The following ZPBP variants were observed in gnomAD, a reference collection of about 807,000 sequenced individuals.
ZPBP encodes zona pellucida binding protein.
In ZPBP, 26 loss-of-function variants were observed where a neutral mutation model predicts 44.8. That is an observed-to-expected ratio of 0.58 (90% confidence interval 0.43 to 0.81). ZPBP has a LOEUF of 0.81. Ranked by LOEUF, ZPBP falls within the 30% of genes least tolerant of loss-of-function variation. The pLI is 0.00. For missense variants in ZPBP, 409 were observed against 434.0 expected (o/e 0.94, Z 0.51); for synonymous variants, 174 against 153.2 (o/e 1.14, Z -1.00).
intron 2 of ZPBP, among the ~76,000 whole-genome samples, chr7:49,854,268 G>A (rs1426741226): frequency 6.6e-6 from 1 of 152,006 alleles, no homozygotes; most frequent in East Asian, 1.9e-4. Flanking sequence ...TTTCTAGTTT[G>A]AGATCCTTGA....
intron 3 of ZPBP, 87 bp from the exon 4 acceptor site, chr7:50,058,228 AT>A: frequency 7.2e-7 from 1 of 1,387,120 alleles, no homozygotes; most frequent in Non-Finnish European, 1.0e-6. Context: ...AACCATCATA[AT>A]TTACCAACAC....
At chr7:50,052,544 GT>G (rs1361655001) in intron 4 of ZPBP, among the ~76,000 whole-genome samples, 1 of 152,010 alleles carries the variant, frequency 6.6e-6, no homozygotes. Flanking sequence ...CAGTTTGGCA[GT>G]TTTTTATAAA....
At chr7:49,863,446 T>G (rs1044996848) in intron 2 of ZPBP, among the ~76,000 whole-genome samples, 25 of 152,278 alleles carry the variant, frequency 1.6e-4, no homozygotes, top group Middle Eastern at 6.8e-3. Context: ...TTTCTTTTCT[T>G]TTTTGAGACA....
At chr7:50,033,453 G>A (rs1799690161) in intron 4 of ZPBP, among the ~76,000 whole-genome samples, 1 of 151,940 alleles carries the variant, frequency 6.6e-6, no homozygotes, top group South Asian at 2.1e-4. Context: ...CTAGCCTTGT[G>A]GTAAGTAAAA....
chr7:50,086,171 A>G (rs1045984593), intron 2 of ZPBP, among the ~76,000 whole-genome samples: 2 of 152,164 alleles, frequency 1.3e-5, no homozygotes, highest in African/African-American at 4.8e-5. Flanking sequence ...CAGTTAGTTC[A>G]GAAACTCACT....
intron 6 of ZPBP, among the ~76,000 whole-genome samples, chr7:50,000,976 A>G (rs1210760322): frequency 2.0e-5 from 3 of 152,108 alleles, no homozygotes; most frequent in Non-Finnish European, 4.4e-5. Flanking sequence ...TTCTCATAAG[A>G]AGAGTTAAGG....
chr7:49,924,718 C>T (rs1469832056), intron 1 of ZPBP, among the ~76,000 whole-genome samples: 2 of 152,114 alleles, frequency 1.3e-5, no homozygotes, highest in African/African-American at 2.4e-5. Context: ...AGACTAGCCC[C>T]ATTTCTCCTG....
chr7:49,966,740 TAAGA>T (rs1796079136), intron 7 of ZPBP, among the ~76,000 whole-genome samples: 1 of 152,164 alleles, frequency 6.6e-6, no homozygotes, highest in Non-Finnish European at 1.5e-5. Context: ...AAAACTTTTC[TAAGA>T]AATAAACAAC....
In ZPBP at chr7:50,050,555, A is replaced by C. The variant is rs978059380; in HGVS notation, c.487+7434T>G. Among the ~76,000 whole-genome samples the C allele has an allele frequency of 3.4e-4, 52 of 152,044 alleles. 1 individual carries two copies. Among genetic ancestry groups the C allele is most frequent in the Admixed American group, 3.3e-3 (50 of 15,252 alleles). ...AGCAACTGAACATCCATATGTAAAA[A>C]ATAAAAGCAATAAAAATCAACCTTA... On this transcript the variant is annotated intron_variant, in intron 4 of 7. Transcript: ENST00000046087.
intron 7 of ZPBP, among the ~76,000 whole-genome samples, chr7:49,948,117 A>T (rs969398492): frequency 1.1e-4 from 17 of 152,188 alleles, no homozygotes; most frequent in Non-Finnish European, 4.4e-5. Context: ...TAGCTCAGAG[A>T]AGGTCCAGAA....
chr7:49,970,717 T>C (rs1050048690), intron 7 of ZPBP, among the ~76,000 whole-genome samples: 2 of 151,672 alleles, frequency 1.3e-5, no homozygotes, highest in Admixed American at 6.6e-5. Flanking sequence ...AGGGTCAGTA[T>C]AGAAAACATA....
intron 7 of ZPBP, among the ~76,000 whole-genome samples, chr7:49,950,238 A>T (rs1562795594): frequency 6.6e-6 from 1 of 151,988 alleles, no homozygotes; most frequent in African/African-American, 2.4e-5. Flanking sequence ...AATAATATGA[A>T]TAGGTTAAAA....
intron 2 of ZPBP, among the ~76,000 whole-genome samples, chr7:49,864,073 T>TTTG (rs143006334): frequency 3.5e-4 from 53 of 152,082 alleles, no homozygotes; most frequent in African/African-American, 1.0e-3. Context: ...GTCTCCTGTT[T>TTTG]TTGTTGTTGT....
chr7:50,041,732 A>G (rs1800104534), intron 4 of ZPBP, among the ~76,000 whole-genome samples: 11 of 152,240 alleles, frequency 7.2e-5, no homozygotes, highest in Admixed American at 7.2e-4. Flanking sequence ...CAGTGCAAAA[A>G]GGCTGAAAAT....
At chr7:49,977,240 A>G (rs1387736318) in intron 7 of ZPBP, among the ~76,000 whole-genome samples, 1 of 152,142 alleles carries the variant, frequency 6.6e-6, no homozygotes, top group Non-Finnish European at 1.5e-5. Context: ...CTTCAGAAAT[A>G]TAATGATTCA....
At chr7:49,910,163 C>T (rs114981079) in intron 1 of ZPBP, among the ~76,000 whole-genome samples, 2,043 of 152,146 alleles carry the variant, frequency 0.013, 37 homozygotes, top group African/African-American at 0.046. Context: ...GAGAAGGGGG[C>T]ACATGCAAGC....
chr7:49,908,876 G>C (rs1025546986), intron 1 of ZPBP, among the ~76,000 whole-genome samples: 2 of 152,148 alleles, frequency 1.3e-5, no homozygotes, highest in African/African-American at 2.4e-5. Flanking sequence ...TCAATGTGTT[G>C]CAAAAGAATG....
chr7:50,090,139 G>A (rs970905543), intron 1 of ZPBP, among the ~76,000 whole-genome samples: 1 of 151,934 alleles, frequency 6.6e-6, no homozygotes, highest in Admixed American at 6.6e-5. Flanking sequence ...AGGAACAGGT[G>A]GTATTCGGTT....
chr7:49,856,518 A>G (rs1790423080), intron 2 of ZPBP, among the ~76,000 whole-genome samples: 1 of 152,168 alleles, frequency 6.6e-6, no homozygotes, highest in Non-Finnish European at 1.5e-5. Flanking sequence ...TAACAACACA[A>G]AATGGACGAA....
Sources: gnomAD v4.1 joint callset for allele counts (sites outside exome capture counted in the v4.1 genomes callset) on GRCh38, gnomAD v4.1.1 for gene constraint, MANE v1.5 for transcripts, NCBI Gene and HGNC (gene_info 2026-07-23, HGNC 2026-07-21) for gene names.